SLIT3: variants seen among roughly 807,000 people sequenced by gnomAD.
SLIT3 encodes slit homolog 3 protein.
Under a neutral mutation model 184.0 loss-of-function variants are expected in SLIT3, and 68 were observed. That is an observed-to-expected ratio of 0.37 (90% CI 0.30 to 0.45). SLIT3 has a LOEUF of 0.45. Ranked by LOEUF, SLIT3 falls within the 20% of genes least tolerant of loss-of-function variation. SLIT3 has a pLI of 1.00. For synonymous variants in SLIT3, 831 were observed against 828.6 expected (o/e 1.00, Z -0.05); for missense variants, 1,707 against 2,026.0 (o/e 0.84, Z 3.02).
At chr5:169,249,277 A>G (rs1765696131) in intron 2 of SLIT3, among the ~76,000 whole-genome samples, 1 of 152,104 alleles carries the variant, frequency 6.6e-6, no homozygotes, top group African/African-American at 2.4e-5. Flanking sequence ...AATGAAACAG[A>G]GTATATTAAT....
chr5:169,163,805 C>T lies in SLIT3; in HGVS notation c.413+29674G>A, dbSNP rs111770064. Among the ~76,000 whole-genome samples, 9 of 152,282 alleles carry T rather than the reference C, an allele frequency of 5.9e-5. No individual in the cohort carries two copies. The South Asian group carries it at 1.0e-3, about 18-fold the overall frequency. The stretch of plus-strand genomic sequence containing the variant: ...TACTGGACAACGGAAGGAAGGGTGA[C>T]GTGACCACTCCTGCGCTCTTCCAAT... On this transcript the variant is annotated intron_variant, in intron 4 of 35. Transcript: ENST00000519560.
intron 1 of SLIT3, among the ~76,000 whole-genome samples, chr5:169,252,993 A>G (rs911985078): frequency 3.9e-5 from 6 of 152,136 alleles, no homozygotes; most frequent in African/African-American, 1.4e-4. Context: ...TCCAATACCT[A>G]AAACAGCATC....
intron 6 of SLIT3, among the ~76,000 whole-genome samples, chr5:168,835,335 G>C (rs1392590376): frequency 6.6e-6 from 1 of 152,136 alleles, no homozygotes; most frequent in East Asian, 1.9e-4. Context: ...CCAGCAGTTG[G>C]AGTCCTCCGA....
chr5:169,151,584 T>C (rs1762118960), intron 4 of SLIT3, among the ~76,000 whole-genome samples: 1 of 152,212 alleles, frequency 6.6e-6, no homozygotes, highest in Non-Finnish European at 1.5e-5. Context: ...GGAGAAGACA[T>C]GCTGGCTGCC....
At chr5:168,771,798 G>A (rs1425759780) in intron 14 of SLIT3, among the ~76,000 whole-genome samples, 1 of 152,204 alleles carries the variant, frequency 6.6e-6, no homozygotes, top group Non-Finnish European at 1.5e-5. Flanking sequence ...AGAAGCACAA[G>A]TCTGCCTGGG....
chr5:168,681,317 T>C (rs1318455623), intron 32 of SLIT3, among the ~76,000 whole-genome samples: 1 of 152,202 alleles, frequency 6.6e-6, no homozygotes, highest in Non-Finnish European at 1.5e-5. Flanking sequence ...CCCCTGCACC[T>C]AGCCCAGGGT....
At chr5:168,943,388 C>T (rs557694355) in intron 4 of SLIT3, among the ~76,000 whole-genome samples, 1 of 152,318 alleles carries the variant, frequency 6.6e-6, no homozygotes, top group East Asian at 1.9e-4. Flanking sequence ...AAACTGATCT[C>T]AACCAGCTGG....
intron 5 of SLIT3, among the ~76,000 whole-genome samples, chr5:168,856,329 G>A (rs745834309): frequency 6.6e-6 from 1 of 152,160 alleles, no homozygotes; most frequent in African/African-American, 2.4e-5. Flanking sequence ...CGACATCACA[G>A]TGAAAGGTAG....
chr5:168,719,341 CA>C (rs1762862069), intron 23 of SLIT3, among the ~76,000 whole-genome samples: 2 of 152,224 alleles, frequency 1.3e-5, no homozygotes, highest in Admixed American at 1.3e-4. Flanking sequence ...CGTGAGCCAC[CA>C]TGCCCGGTCT....
intron 23 of SLIT3, among the ~76,000 whole-genome samples, chr5:168,717,793 T>G (rs1295801690): frequency 9.3e-5 from 14 of 151,196 alleles, no homozygotes; most frequent in Admixed American, 3.3e-4. Context: ...CCCAAGTAGC[T>G]GGGACTACAG....
intron 1 of SLIT3, among the ~76,000 whole-genome samples, chr5:169,252,884 G>A (rs1765824844): frequency 6.6e-6 from 1 of 152,086 alleles, no homozygotes; most frequent in African/African-American, 2.4e-5. Context: ...AGTTTGAGGA[G>A]GGATTAATCT....
intron 4 of SLIT3, among the ~76,000 whole-genome samples, chr5:168,942,641 A>G (rs1762364471): frequency 6.6e-6 from 1 of 152,202 alleles, no homozygotes; most frequent in Non-Finnish European, 1.5e-5. Context: ...GAATATATGT[A>G]CTTATTCATT....
intron 9 of SLIT3, among the ~76,000 whole-genome samples, chr5:168,804,900 C>G (rs1187373113): frequency 6.6e-6 from 1 of 152,198 alleles, no homozygotes; most frequent in Non-Finnish European, 1.5e-5. Context: ...CTTTTGTCTA[C>G]TCTACTCCAG....
At chr5:168,785,366 C>T (rs537349207) in intron 12 of SLIT3, among the ~76,000 whole-genome samples, 2 of 152,312 alleles carry the variant, frequency 1.3e-5, no homozygotes, top group South Asian at 2.1e-4. Flanking sequence ...GCTTAAAATT[C>T]GAAGCAACAA....
At chr5:168,936,324 T>G (rs553296112) in intron 4 of SLIT3, among the ~76,000 whole-genome samples, 6 of 152,310 alleles carry the variant, frequency 3.9e-5, no homozygotes, top group African/African-American at 1.4e-4. Flanking sequence ...AACCTTTGCC[T>G]CCTGGGTTCA....
chr5:168,846,323 G>A (rs1205017587), intron 5 of SLIT3, among the ~76,000 whole-genome samples: 1 of 152,104 alleles, frequency 6.6e-6, no homozygotes, highest in Non-Finnish European at 1.5e-5. Flanking sequence ...TCTCACTGAT[G>A]CCCACTCACA....
intron 4 of SLIT3, among the ~76,000 whole-genome samples, chr5:169,011,624 T>C (rs10039672): frequency 0.07 from 10,589 of 152,152 alleles, 1,237 homozygotes; most frequent in African/African-American, 0.24. Context: ...AGTCATTTGC[T>C]GGGGGAGAGG....
chr5:169,078,494 G>C (rs1758834492), intron 4 of SLIT3, among the ~76,000 whole-genome samples: 1 of 152,082 alleles, frequency 6.6e-6, no homozygotes, highest in African/African-American at 2.4e-5. Context: ...CACAGACCCG[G>C]TGGGGAATAA....
At chr5:168,727,508 A>C (rs1453287780) in intron 20 of SLIT3, among the ~76,000 whole-genome samples, 1 of 152,144 alleles carries the variant, frequency 6.6e-6, no homozygotes, top group Admixed American at 6.5e-5. Flanking sequence ...TGAGGGGCTG[A>C]AGTCTCATGG....
Sources: gnomAD v4.1 joint callset for allele counts (sites outside exome capture counted in the v4.1 genomes callset) on GRCh38, gnomAD v4.1.1 for gene constraint, MANE v1.5 for transcripts, NCBI Gene and HGNC (gene_info 2026-07-23, HGNC 2026-07-21) for gene names.